ELOVL6: variants seen among roughly 807,000 people sequenced by gnomAD.
The protein encoded by ELOVL6 is very long chain fatty acid elongase 6.
A neutral mutation model predicts 31.7 loss-of-function variants in ELOVL6; 8 were observed. That is an observed-to-expected ratio of 0.25 (90% CI 0.15 to 0.45). The LOEUF (loss-of-function observed/expected upper bound fraction) is 0.45, where lower values mean the gene tolerates loss of function less well. Ranked by LOEUF, ELOVL6 falls within the 20% of genes least tolerant of loss-of-function variation. The probability of loss-of-function intolerance (pLI) is 1.00; values close to 1 mark genes in which losing one functional copy is unlikely to be tolerated. For synonymous variants in ELOVL6, 101 were observed against 117.7 expected (o/e 0.86, Z 0.92); for missense variants, 126 against 326.4 (o/e 0.39, Z 4.73).
chr4:110,065,390 G>A (rs1755271860), intron 2 of ELOVL6, among the ~76,000 whole-genome samples: 4 of 152,184 alleles, frequency 2.6e-5, no homozygotes, highest in Admixed American at 2.6e-4. Context: ...ACTTTGGAAG[G>A]CTGAAGTGGG....
At chr4:110,080,643 T>C (rs1578461593) in intron 2 of ELOVL6, among the ~76,000 whole-genome samples, 1 of 152,342 alleles carries the variant, frequency 6.6e-6, no homozygotes, top group East Asian at 1.9e-4. Flanking sequence ...TCATACTGAA[T>C]GGGCAAAAAC....
intron 1 of ELOVL6, among the ~76,000 whole-genome samples, chr4:110,114,687 T>C (rs974324792): frequency 3.3e-5 from 5 of 152,168 alleles, no homozygotes; most frequent in African/African-American, 1.2e-4. Context: ...CTGATTGTCT[T>C]TATCCTAAAG....
At chr4:110,110,830 C>T (rs1757013427) in intron 1 of ELOVL6, among the ~76,000 whole-genome samples, 1 of 152,140 alleles carries the variant, frequency 6.6e-6, no homozygotes, top group Non-Finnish European at 1.5e-5. Flanking sequence ...AAAGCCATAA[C>T]TAAGGTAAAG....
chr4:110,177,567 A>G (rs1322744745), intron 1 of ELOVL6, among the ~76,000 whole-genome samples: 1 of 152,146 alleles, frequency 6.6e-6, no homozygotes, highest in Non-Finnish European at 1.5e-5. Context: ...CTCCCATGCC[A>G]CTGCTCCTTT....
intron 2 of ELOVL6, among the ~76,000 whole-genome samples, chr4:110,087,803 G>GAAAA (rs150416358): frequency 7.4e-6 from 1 of 135,500 alleles, no homozygotes; most frequent in African/African-American, 2.8e-5. Context: ...AAATAAAATT[G>GAAAA]TAAAAAAAAA....
Position 110,051,775 on chromosome 4 carries a change from G to A in ELOVL6, c.374-13C>T. The A allele has an allele frequency of 1.2e-6, 2 of 1,606,580 alleles. No homozygotes were observed. The highest frequency in any genetic ancestry group is 1.7e-6 in the Non-Finnish European group (2 of 1,176,300). ...AATATTGTATCTCCTGGAAGACAAAGAGGAAGAAGGTACGTGAGATCCTTG... is the reference window on the plus strand; with the variant it reads ...AATATTGTATCTCCTGGAAGACAAAAAGGAAGAAGGTACGTGAGATCCTTG... On this transcript the variant is annotated splice_polypyrimidine_tract_variant and intron_variant, in intron 3 of 3. Transcript: ENST00000302274. This position sits in a 1 kb window ranked among gnomAD's most constrained non-coding sequence, Gnocchi z 4.8.
At chr4:110,078,108 T>C (rs953414702) in intron 2 of ELOVL6, among the ~76,000 whole-genome samples, 2 of 152,138 alleles carry the variant, frequency 1.3e-5, no homozygotes, top group African/African-American at 4.8e-5. Context: ...CAAATCTACA[T>C]CTGATTGGTG....
chr4:110,064,676 T>TG (rs1755246784), intron 2 of ELOVL6, among the ~76,000 whole-genome samples: 1 of 151,778 alleles, frequency 6.6e-6, no homozygotes, highest in Non-Finnish European at 1.5e-5. Flanking sequence ...TTAATGAAAA[T>TG]GGGGTCTCAT....
intron 2 of ELOVL6, among the ~76,000 whole-genome samples, chr4:110,063,843 C>T (rs564684206): frequency 1.2e-3 from 175 of 151,696 alleles, no homozygotes; most frequent in African/African-American, 4.0e-3. Flanking sequence ...TTTGGGATGC[C>T]GAGGAGGGTG....
rs1454578180 is a variant in ELOVL6 at position 110,084,191 on chromosome 4, A to ATGTGATAT, written c.221+21305_221+21306insATATCACA. ...GATATATATGATATATATAACATAT[A>ATGTGATAT]ACTTATATGATATATATAACATATA... On this transcript the variant is annotated intron_variant, in intron 2 of 3. Coordinates refer to ENST00000302274, the MANE Select transcript of ELOVL6 (RefSeq NM_024090.3). Among the ~76,000 whole-genome samples, 94 of 87,198 alleles carry ATGTGATAT rather than the reference A, an allele frequency of 1.1e-3. 9 individuals are homozygous for ATGTGATAT. The highest frequency in any genetic ancestry group is 2.4e-3 in the African/African-American group (50 of 20,456). The allele number at this position is 87,198 out of a possible 152,430, so 57.2% of individuals were successfully genotyped here. A position where few individuals can be genotyped will look rare whatever the true frequency, so the allele number is the denominator to read the frequency against.
At chr4:110,141,212 A>C (rs960271151) in intron 1 of ELOVL6, among the ~76,000 whole-genome samples, 1 of 152,028 alleles carries the variant, frequency 6.6e-6, no homozygotes, top group Non-Finnish European at 1.5e-5. Context: ...TACAGGCATG[A>C]GCCACCACAC....
intron 1 of ELOVL6, among the ~76,000 whole-genome samples, chr4:110,123,897 A>G (rs576568821): frequency 1.3e-5 from 2 of 152,292 alleles, no homozygotes; most frequent in East Asian, 3.9e-4. Context: ...ATCATTCAGG[A>G]AAAAATGAGC....
Position 110,186,822 on chromosome 4 carries a change from A to AATATAT in ELOVL6, c.89+11419_89+11424dup, listed in dbSNP as rs1284269627. 3.6e-3 allele frequency among the ~76,000 whole-genome samples: 215 copies of AATATAT among 59,396 alleles called. 4 individuals carry two copies. In the Middle Eastern group the frequency reaches 0.037, roughly 10 times the overall value. The allele number at this position is 59,396 out of a possible 152,430, so 39.0% of individuals were successfully genotyped here. The stretch of plus-strand genomic sequence containing the variant: ...CTGTCTCAAAAAAAAAAAAAAAAAA[A>AATATAT]ATATATATATATATATATATATTTA... On this transcript the variant is annotated intron_variant, in intron 1 of 3. Coordinates refer to ENST00000302274, the MANE Select transcript of ELOVL6 (RefSeq NM_024090.3).
chr4:110,119,543 C>T (rs1304634347), intron 1 of ELOVL6, among the ~76,000 whole-genome samples: 1 of 152,204 alleles, frequency 6.6e-6, no homozygotes, highest in African/African-American at 2.4e-5. Context: ...TCAGTTTCTA[C>T]AGCGGGAAGC....
rs1181389296 is a variant in ELOVL6, at chr4:110,105,601, C to T, written c.117G>A (p.Leu39=). ...GACCACCGAATATAAAGGCAGCATA[C>T]AGAGCAGAAAACAGGAAAGATTTCT... The part of the protein sequence containing the change: ...NWKKSFLFSA[L]YAAFIFGGRH... The change falls in exon 2 of 4, where the codon CTG becomes CTA. Residue 39 remains leucine, a synonymous_variant. Coordinates refer to ENST00000302274, the MANE Select transcript of ELOVL6 (RefSeq NM_024090.3). The T allele has an allele frequency of 1.9e-6, 3 of 1,613,226 alleles. No homozygotes were observed. The South Asian group carries it at 3.3e-5, about 18-fold the overall frequency.
intron 1 of ELOVL6, among the ~76,000 whole-genome samples, chr4:110,159,089 T>C (rs956872273): frequency 5.9e-5 from 9 of 152,224 alleles, no homozygotes; most frequent in Non-Finnish European, 8.8e-5. Flanking sequence ...GTGATTTGCA[T>C]AGATTTTTCT....
At chr4:110,063,637 T>C (rs1030553514) in intron 2 of ELOVL6, among the ~76,000 whole-genome samples, 15 of 152,048 alleles carry the variant, frequency 9.9e-5, no homozygotes, top group Non-Finnish European at 1.0e-4. Context: ...TCAGATGATA[T>C]AGATTATTCT....
intron 1 of ELOVL6, among the ~76,000 whole-genome samples, chr4:110,185,361 A>C (rs1759407425): frequency 6.6e-6 from 1 of 152,182 alleles, no homozygotes; most frequent in African/African-American, 2.4e-5. Flanking sequence ...GTTCCAAAGC[A>C]ATGAGTTGCA....
rs942831143 is a variant in ELOVL6 at position 110,050,081 on chromosome 4, T to A, written c.*1257A>T. ...TGGGGGCCCTTTGTTGTCAACTGTTTTCAGCCAAACTTGCCTTGAAGTTTG... is the reference window on the plus strand; with the variant it reads ...TGGGGGCCCTTTGTTGTCAACTGTTATCAGCCAAACTTGCCTTGAAGTTTG... On this transcript the variant is annotated 3_prime_UTR_variant, in exon 4 of 4. Transcript: ENST00000302274. The A allele has an allele frequency of 1.3e-5, 2 of 152,530 alleles. No individual in the cohort carries two copies. The highest frequency in any genetic ancestry group is 2.1e-4 in the South Asian group (1 of 4,822). 9.4% of individuals were successfully genotyped at this position (152,530 alleles called of 1,614,324 possible).
Sources: allele counts gnomAD v4.1 joint callset (sites outside exome capture counted in the v4.1 genomes callset), GRCh38; gene constraint gnomAD v4.1.1; non-coding constraint Gnocchi (gnomAD v3.1); transcripts MANE v1.5; gene names NCBI Gene and HGNC (gene_info 2026-07-23, HGNC 2026-07-21).